The following SLC7A11 variants were observed in gnomAD, a reference collection of about 807,000 sequenced individuals.
The protein encoded by SLC7A11 is cystine/glutamate transporter.
A neutral mutation model predicts 54.5 loss-of-function variants in SLC7A11; 35 were observed. The observed-to-expected ratio is 0.64, with a 90% CI of 0.49 to 0.85. The LOEUF (loss-of-function observed/expected upper bound fraction) is 0.85, where lower values mean the gene tolerates loss of function less well. SLC7A11 is among the 40% of genes least tolerant of loss of function. The pLI, the probability that SLC7A11 is intolerant of heterozygous loss-of-function variation, is 0.00. For missense variants in SLC7A11, 583 were observed against 618.1 expected, an observed-to-expected ratio of 0.94 and a Z score of 0.60; for synonymous variants, 230 against 225.2, an observed-to-expected ratio of 1.02 and a Z score of -0.19.
In SLC7A11 at chr4:138,185,128, A is replaced by T. The variant is rs556548698; in HGVS notation, c.908T>A (p.Val303Glu). 3 of 1,612,794 alleles carry T rather than the reference A, an allele frequency of 1.9e-6. No homozygotes were observed. Among genetic ancestry groups the T allele is most frequent in the Non-Finnish European group, 2.5e-6 (3 of 1,179,104 alleles). Residue 303 changes from valine (V) to glutamate (E), a missense_variant, in exon 7 of 12, where the codon GTG (valine) becomes GAG (glutamate). Physicochemically the swap from Val to Glu is moderately radical, Grantham distance 121. Transcript: ENST00000280612. ...NAEELLLSNA[V>E]AVTFSERLLG... ...TTCCCAACTTGGACTTACCACTGCC[A>T]CTGCATTTGAAAGCAGCAGCTCCTC...
At chr4:138,215,815 C>A (rs1737666961) in intron 5 of SLC7A11, among the ~76,000 whole-genome samples, 1 of 151,940 alleles carries the variant, frequency 6.6e-6, no homozygotes, top group Non-Finnish European at 1.5e-5. Flanking sequence ...AATCACACAC[C>A]CCAAGAAATA....
rs980740870 is a variant in SLC7A11, at chr4:138,164,988, A to G, written c.*6968T>C. 1.3e-5 allele frequency: 2 copies of G among 152,160 alleles called. No individual in the cohort carries two copies. The highest frequency in any genetic ancestry group is 6.6e-5 in the Admixed American group (1 of 15,246). The allele number at this position is 152,160 out of a possible 1,614,324, so 9.4% of individuals were successfully genotyped here. A position where few individuals can be genotyped will look rare whatever the true frequency, so the allele number is the denominator to read the frequency against. Reference sequence around the variant, plus strand: ...TTCCAAGACTTTCCCACTGGGCTAAATGGACTCCACTTGTTGCAAATTATA... The same window carrying G: ...TTCCAAGACTTTCCCACTGGGCTAAGTGGACTCCACTTGTTGCAAATTATA... On this transcript the variant is annotated 3_prime_UTR_variant, in exon 12 of 12. Transcript: ENST00000280612.
At chr4:138,181,382 G>A (rs759189502) in intron 9 of SLC7A11, among the ~76,000 whole-genome samples, 1 of 151,906 alleles carries the variant, frequency 6.6e-6, no homozygotes, top group Non-Finnish European at 1.5e-5. Context: ...AGAATGAAGC[G>A]CAGAGATCAG....
intron 6 of SLC7A11, among the ~76,000 whole-genome samples, chr4:138,187,178 T>C (rs1436908998): frequency 6.6e-6 from 1 of 152,262 alleles, no homozygotes; most frequent in Non-Finnish European, 1.5e-5. Flanking sequence ...GCCCCCTGCC[T>C]GTTTCCTGCC....
intron 1 of SLC7A11, among the ~76,000 whole-genome samples, chr4:138,237,700 AATATATATATATATAT>A (rs1168512229): frequency 0.034 from 496 of 14,696 alleles, 23 homozygotes; most frequent in Middle Eastern, 0.1. Context: ...GCCTAGCCAG[AATATATATATATATAT>A]ATATATATAT....
At chr4:138,220,594 T>A (rs949839060) in intron 4 of SLC7A11, among the ~76,000 whole-genome samples, 1 of 152,250 alleles carries the variant, frequency 6.6e-6, no homozygotes, top group Admixed American at 6.5e-5. Context: ...GCTTTTTCTT[T>A]TATATCTTTT....
At chr4:138,223,385 G>A (rs1198566419) in intron 3 of SLC7A11, 61 bp from the exon 4 acceptor site, 44 of 1,582,518 alleles carry the variant, frequency 2.8e-5, no homozygotes, top group Non-Finnish European at 3.5e-5. Context: ...GACATTTTAG[G>A]TCCTTGTTAC....
Position 138,171,212 on chromosome 4 carries a change from A to G in SLC7A11, c.*744T>C, listed in dbSNP as rs1736416692. 2 of 151,840 alleles carry G rather than the reference A, an allele frequency of 1.3e-5. No individual in the cohort carries two copies. The highest frequency in any genetic ancestry group is 2.9e-5 in the Non-Finnish European group (2 of 67,990). The allele number at this position is 151,840 out of a possible 1,614,324, so 9.4% of individuals were successfully genotyped here. On this transcript the variant is annotated 3_prime_UTR_variant, in exon 12 of 12. Coordinates refer to ENST00000280612, the MANE Select transcript of SLC7A11 (RefSeq NM_014331.4). ...ATGTGTTATACACTTTCCTGATCAA[A>G]CTGATGTGAAAAAAAAAAATGACAG...
intron 6 of SLC7A11, among the ~76,000 whole-genome samples, chr4:138,187,423 A>G (rs968464616): frequency 2.0e-5 from 3 of 152,140 alleles, no homozygotes; most frequent in African/African-American, 7.2e-5. Context: ...AGCACATTTT[A>G]TATATGAGAA....
At chr4:138,184,191 T>C (rs887295294) in intron 7 of SLC7A11, among the ~76,000 whole-genome samples, 4 of 152,162 alleles carry the variant, frequency 2.6e-5, no homozygotes, top group Non-Finnish European at 4.4e-5. Context: ...AAGCTTTGTA[T>C]ATTTGATTGT....
At position 138,242,074 on chromosome 4, in the gene SLC7A11, G is replaced by C; in HGVS notation, c.-5C>G. The C allele has an allele frequency of 6.2e-7, 1 of 1,613,080 alleles. No homozygotes were observed. The highest frequency in any genetic ancestry group is 2.2e-5 in the East Asian group (1 of 44,860). ...CACAACAGGCTTTCTGACCATAGTA[G>C]GGACACACGGGGGAAAAATAAAACA... On this transcript the variant is annotated 5_prime_UTR_variant, in exon 1 of 12. Coordinates refer to ENST00000280612, the MANE Select transcript of SLC7A11 (RefSeq NM_014331.4).
intron 3 of SLC7A11, 40 bp from the exon 4 acceptor site, chr4:138,223,364 A>T: frequency 6.2e-7 from 1 of 1,604,282 alleles, no homozygotes; most frequent in Non-Finnish European, 8.5e-7. Flanking sequence ...GTGAATTCTC[A>T]CTGGCACAAA....
At chr4:138,192,186 A>G (rs1737028088) in intron 6 of SLC7A11, among the ~76,000 whole-genome samples, 1 of 152,160 alleles carries the variant, frequency 6.6e-6, no homozygotes, top group South Asian at 2.1e-4. Flanking sequence ...TCCAAAGTAT[A>G]AGTTATTTAT....
At chr4:138,193,303 A>T (rs1331477845) in intron 6 of SLC7A11, among the ~76,000 whole-genome samples, 1 of 152,184 alleles carries the variant, frequency 6.6e-6, no homozygotes, top group East Asian at 1.9e-4. Flanking sequence ...AGAATATAAG[A>T]TAAGCAATGG....
At position 138,170,267 on chromosome 4, in the gene SLC7A11, TATATAC is replaced by T. The variant is rs1560713407; in HGVS notation, c.*1683_*1688del. 3.4e-3 allele frequency: 315 copies of T among 91,478 alleles called. No homozygotes were observed. Among genetic ancestry groups the T allele is most frequent in the African/African-American group, 0.012 (301 of 25,550 alleles). 5.7% of individuals were successfully genotyped at this position (91,478 alleles called of 1,614,324 possible). ...GTGTGTGTGTATATATATATATATA[TATATAC>T]ACACACACACACACACACACATACA... On this transcript the variant is annotated 3_prime_UTR_variant, in exon 12 of 12. Coordinates refer to ENST00000280612, the MANE Select transcript of SLC7A11 (RefSeq NM_014331.4).
intron 6 of SLC7A11, among the ~76,000 whole-genome samples, chr4:138,207,973 C>T (rs5028338): frequency 0.41 from 61,780 of 151,610 alleles, 13,439 homozygotes; most frequent in Middle Eastern, 0.59. Flanking sequence ...GATTTTAAGA[C>T]GGCAGCATCT....
intron 3 of SLC7A11, among the ~76,000 whole-genome samples, chr4:138,229,985 A>T (rs1738035136): frequency 6.6e-6 from 1 of 152,188 alleles, no homozygotes; most frequent in Non-Finnish European, 1.5e-5. Flanking sequence ...GGACAAGAAA[A>T]TGGTGAATAT....
At chr4:138,173,634 CAAA>C (rs201066768) in intron 11 of SLC7A11, among the ~76,000 whole-genome samples, 1 of 130,276 alleles carries the variant, frequency 7.7e-6, no homozygotes, top group Admixed American at 7.9e-5. Context: ...AACTCCATCT[CAAA>C]AAAAAAAAAA....
chr4:138,214,704 A>G (rs1737638219), intron 5 of SLC7A11, 75 bp from the exon 6 acceptor site: 1 of 491,436 alleles, frequency 2.0e-6, no homozygotes, highest in Non-Finnish European at 3.4e-6. Context: ...TTAAATATTT[A>G]ACATTGAACC....
Sources: gnomAD v4.1 joint callset for allele counts (sites outside exome capture counted in the v4.1 genomes callset) on GRCh38, gnomAD v4.1.1 for gene constraint, MANE v1.5 for transcripts, NCBI Gene and HGNC (gene_info 2026-07-23, HGNC 2026-07-21) for gene names.